Variants in PRDM9 observed in about 807,000 individuals in gnomAD.
The protein encoded by PRDM9 is PR/SET domain 9, also known as histone-lysine N-methyltransferase PRDM9.
Under a neutral mutation model 55.6 loss-of-function variants are expected in PRDM9, and 47 were observed. The observed-to-expected ratio is 0.85, with a 90% CI of 0.67 to 1.08. The LOEUF is 1.08. Ranked by LOEUF, PRDM9 falls within the 50% of genes least tolerant of loss-of-function variation. The pLI is 0.00. For missense variants in PRDM9, 867 were observed against 1,040.3 expected, an observed-to-expected ratio of 0.83 and a Z score of 2.29; for synonymous variants, 312 against 375.7, an observed-to-expected ratio of 0.83 and a Z score of 1.96.
At chr5:23,518,641 A>G (rs1367008631) in intron 5 of PRDM9, among the ~76,000 whole-genome samples, 2 of 152,230 alleles carry the variant, frequency 1.3e-5, no homozygotes, top group African/African-American at 4.8e-5. Flanking sequence ...CTGAGAAACA[A>G]CAAATAAGAA....
intron 10 of PRDM9, among the ~76,000 whole-genome samples, chr5:23,525,298 C>G (rs1739409285): frequency 6.6e-6 from 1 of 152,186 alleles, no homozygotes; most frequent in South Asian, 2.1e-4. Context: ...GTGGGTCATC[C>G]CCTCAGAGCT....
intron 4 of PRDM9, among the ~76,000 whole-genome samples, chr5:23,512,855 A>C (rs1206787452): frequency 6.6e-6 from 1 of 152,186 alleles, no homozygotes; most frequent in South Asian, 2.1e-4. Flanking sequence ...CCTCATATAC[A>C]TGGAATCAGC....
At position 23,521,009 on chromosome 5, in the gene PRDM9, CTCTCACATTAAAGGGAAT is replaced by C; in HGVS notation, c.352-13_356del. On this transcript the variant is annotated splice_acceptor_variant and splice_polypyrimidine_tract_variant and coding_sequence_variant and intron_variant, in exon 6 of 11. Coordinates refer to ENST00000296682, the MANE Select transcript of PRDM9 (RefSeq NM_020227.4). LOFTEE classifies it high-confidence loss of function. ...ATTCGTGTTGTCTTTTAATATGTGA[CTCTCACATTAAAGGGAAT>C]GCCCAAGGCGTCATTCAGTAATGAA... 1 of 1,613,518 alleles carries C rather than the reference CTCTCACATTAAAGGGAAT, an allele frequency of 6.2e-7. No homozygotes were observed. Among genetic ancestry groups the C allele is most frequent in the Non-Finnish European group, 8.5e-7 (1 of 1,179,466 alleles).
At chr5:23,511,591 C>G (rs1739099741) in intron 4 of PRDM9, among the ~76,000 whole-genome samples, 1 of 152,166 alleles carries the variant, frequency 6.6e-6, no homozygotes, top group African/African-American at 2.4e-5. Flanking sequence ...CTCAGTCCAC[C>G]CGCCTTGGTC....
chr5:23,510,805 A>G (rs1579588267), intron 4 of PRDM9, among the ~76,000 whole-genome samples: 5 of 152,012 alleles, frequency 3.3e-5, no homozygotes, highest in Admixed American at 3.3e-4. Flanking sequence ...CCAAAGTGCT[A>G]GGATTACAGG....
In PRDM9 at chr5:23,527,958, G is replaced by C; in HGVS notation, c.*185G>C. The C allele has an allele frequency of 1.3e-6, 1 of 793,792 alleles. No individual in the cohort carries two copies. The highest frequency in any genetic ancestry group is 1.7e-5 in the South Asian group (1 of 59,990). 49.2% of individuals were successfully genotyped at this position (793,792 alleles called of 1,614,324 possible). ...CCGCCACTTTCATGACTAGAGATGA[G>C]GAAGAACAAGGGATAGTTCTGTAAG... On this transcript the variant is annotated 3_prime_UTR_variant, in exon 11 of 11. Coordinates refer to ENST00000296682, the MANE Select transcript of PRDM9 (RefSeq NM_020227.4).
rs776940752 is a variant in PRDM9 at position 23,526,340 on chromosome 5, G to C, written c.1252G>C (p.Gly418Arg). 3 of 1,614,160 alleles carry C rather than the reference G, an allele frequency of 1.9e-6. No homozygotes were observed. Among genetic ancestry groups the C allele is most frequent in the Admixed American group, 3.3e-5 (2 of 60,026 alleles). Residue 418 changes from glycine to arginine, a missense_variant, in exon 11 of 11, where the codon GGA (glycine) becomes CGA (arginine). Physicochemically the swap from Gly to Arg is moderately radical, Grantham distance 125. This residue lies in a region of PRDM9 where 662 missense variants were observed against 711.9 expected (regional missense o/e 0.93). Coordinates refer to ENST00000296682, the MANE Select transcript of PRDM9 (RefSeq NM_020227.4). ...CAATCACTCCTCTCAGAACTTCCCA[G>C]GACCATCTGCAAGAAAACTCCTCCA... is the stretch of plus-strand genomic sequence containing the variant. The part of the protein sequence containing the change: ...ERNHSSQNFP[G>R]PSARKLLQPE...
intron 10 of PRDM9, 74 bp downstream of exon 10, chr5:23,524,601 C>T (rs1225458397): frequency 6.3e-7 from 1 of 1,599,522 alleles, no homozygotes; most frequent in Non-Finnish European, 8.6e-7. Flanking sequence ...TGGTTTAACT[C>T]TTAAGTACAG....
chr5:23,520,840 A>G (rs1419459936), intron 5 of PRDM9, among the ~76,000 whole-genome samples, 183 bp from the exon 6 acceptor site: 1 of 152,214 alleles, frequency 6.6e-6, no homozygotes, highest in African/African-American at 2.4e-5. Flanking sequence ...GCCTTAAGAC[A>G]TGGGTTAGAG....
At chr5:23,525,951 C>T (rs1171943680) in intron 10 of PRDM9, among the ~76,000 whole-genome samples, 1 of 152,064 alleles carries the variant, frequency 6.6e-6, no homozygotes, top group Non-Finnish European at 1.5e-5. Context: ...ACTGCAGTTC[C>T]ATCTATGTAA....
intron 5 of PRDM9, among the ~76,000 whole-genome samples, chr5:23,520,364 CAAAAAAAAAAA>C (rs59333354): frequency 2.0e-4 from 9 of 44,570 alleles, no homozygotes; most frequent in Admixed American, 1.7e-3. Flanking sequence ...GACTCCTTCT[CAAAAAAAAAAA>C]AAAAAAAAAA....
In PRDM9 at chr5:23,527,919, C is replaced by T. The variant is rs561348142; in HGVS notation, c.*146C>T. On this transcript the variant is annotated 3_prime_UTR_variant, in exon 11 of 11. Transcript: ENST00000296682. Reference sequence around the variant, plus strand: ...GAGAGTATAAAGAGATCGGAAATAACTGATTAAACAAATCCGCCACTTTCA... The same window carrying T: ...GAGAGTATAAAGAGATCGGAAATAATTGATTAAACAAATCCGCCACTTTCA... 1.8e-5 allele frequency: 19 copies of T among 1,069,726 alleles called. No homozygotes were observed. In the African/African-American group the frequency reaches 2.8e-4, roughly 16 times the overall value. The allele number at this position is 1,069,726 out of a possible 1,614,324, so 66.3% of individuals were successfully genotyped here.
In PRDM9 at chr5:23,522,815, T is replaced by A; in HGVS notation, c.812T>A (p.Leu271Gln). The part of the protein sequence containing the change: ...WNEASDLPLG[L>Q]HFGPYEGRIT... ...GAGGCATCTGATCTGCCGCTGGGTC[T>A]GCACTTTGGCCCTTATGAGGGCCGA... Residue 271 changes from leucine (L) to glutamine (Q), a missense_variant, in exon 8 of 11, where the codon CTG (leucine) becomes CAG (glutamine). Around this residue, in one of 5 missense-constraint regions of PRDM9, gnomAD observed 662 missense variants for 711.9 expected, o/e 0.93. Transcript: ENST00000296682. 6.2e-7 allele frequency: 1 copy of A among 1,614,242 alleles called. No individual in the cohort carries two copies. Among genetic ancestry groups the A allele is most frequent in the East Asian group, 2.2e-5 (1 of 44,866 alleles).
In PRDM9 at chr5:23,522,670, A is replaced by G; in HGVS notation, c.667A>G (p.Thr223Ala). The change falls in exon 8 of 11, where the codon ACA (threonine) becomes GCA (alanine). Residue 223 changes from threonine (T) to alanine (A), a missense_variant. Thr to Ala is a moderately conservative substitution (Grantham distance 58). This residue lies in a region of PRDM9 where 662 missense variants were observed against 711.9 expected (regional missense o/e 0.93). Transcript: ENST00000296682. ...CAGCTGTGCTGCCCATGGGCCCCCT[A>G]CATTTGTAAAGGACAGTGCAGTGGA... ...IDSCAAHGPP[T>A]FVKDSAVDKG... is the part of the protein sequence containing the mutation. 6.2e-7 allele frequency: 1 copy of G among 1,614,148 alleles called. No homozygotes were observed. The highest frequency in any genetic ancestry group is 8.5e-7 in the Non-Finnish European group (1 of 1,180,020).
At chr5:23,509,391 T>C in intron 2 of PRDM9, 79 bp from the exon 3 acceptor site, 2 of 1,608,444 alleles carry the variant, frequency 1.2e-6, no homozygotes, top group East Asian at 2.2e-5. Context: ...CCAGGCTATG[T>C]CCTACACACA....
chr5:23,511,908 G>A (rs1009495269), intron 4 of PRDM9, among the ~76,000 whole-genome samples: 3 of 151,872 alleles, frequency 2.0e-5, no homozygotes, highest in Non-Finnish European at 4.4e-5. Flanking sequence ...GGACTGAATG[G>A]TGATGGATGT....
Position 23,526,492 on chromosome 5 carries a change from G to A in PRDM9, c.1404G>A (p.Trp468Ter). ...ERSKLLNKRT[W>*]QREISRAFSS... ...CCAAACTCTTGAATAAAAGGACATG[G>A]CAGAGGGAGATTTCAAGGGCCTTTT... Residue 468 changes from tryptophan (W) to a stop codon, truncating the protein, a stop_gained, in exon 11 of 11, where the codon TGG becomes TGA. Coordinates refer to ENST00000296682, the MANE Select transcript of PRDM9 (RefSeq NM_020227.4). LOFTEE classifies it low-confidence loss of function (END_TRUNC). The A allele has an allele frequency of 6.2e-7, 1 of 1,614,024 alleles. No homozygotes were observed.
At chr5:23,511,477 C>G (rs1181872090) in intron 4 of PRDM9, among the ~76,000 whole-genome samples, 1 of 152,124 alleles carries the variant, frequency 6.6e-6, no homozygotes, top group African/African-American at 2.4e-5. Flanking sequence ...TCCTGAATAG[C>G]TGGGACTACA....
intron 2 of PRDM9, 69 bp from the exon 3 acceptor site, chr5:23,509,401 A>C (rs1739044908): frequency 6.2e-7 from 1 of 1,610,248 alleles, no homozygotes. Flanking sequence ...TCCTACACAC[A>C]GGGTAGAGGA....
Sources: allele counts gnomAD v4.1 joint callset (sites outside exome capture counted in the v4.1 genomes callset), GRCh38; gene constraint gnomAD v4.1.1; regional missense constraint gnomAD v4.1.1; transcripts MANE v1.5; gene names NCBI Gene and HGNC (gene_info 2026-07-23, HGNC 2026-07-21).